The following CBX5 variants were observed in gnomAD, a reference collection of about 807,000 sequenced individuals.
CBX5 encodes the protein chromobox 5.
Under a neutral mutation model 20.7 loss-of-function variants are expected in CBX5, and 7 were observed. The observed-to-expected ratio is 0.34, with a 90% CI of 0.19 to 0.63. CBX5 has a LOEUF of 0.63. Among genes scored for constraint, CBX5 ranks in the 30% least tolerant of loss-of-function variants. CBX5 has a pLI of 0.75. For missense variants in CBX5, 110 were observed against 224.1 expected (o/e 0.49, Z 3.25); for synonymous variants, 78 against 77.0 (o/e 1.01, Z -0.07).
chr12:54,269,545 T>C (rs1592163850), intron 1 of CBX5, among the ~76,000 whole-genome samples: 1 of 151,932 alleles, frequency 6.6e-6, no homozygotes, highest in Non-Finnish European at 1.5e-5. Context: ...CACACCACCA[T>C]GCCTGGCTCA....
chr12:54,252,250 T>TA, intron 2 of CBX5, 23 bp from the exon 3 acceptor site: 1 of 1,381,654 alleles, frequency 7.2e-7, no homozygotes, highest in Non-Finnish European at 9.6e-7. Context: ...AATGGGAAAA[T>TA]TAAAAAAAAA....
intron 1 of CBX5, among the ~76,000 whole-genome samples, chr12:54,269,001 G>A (rs745358348): frequency 7.2e-5 from 11 of 152,216 alleles, no homozygotes; most frequent in East Asian, 3.8e-4. Context: ...GGTGGCTCAC[G>A]CCTATAATCC....
chr12:54,257,692 C>A lies in CBX5; in HGVS notation c.-42G>T. The A allele has an allele frequency of 1.2e-6, 2 of 1,611,306 alleles. No homozygotes were observed. The highest frequency in any genetic ancestry group is 2.2e-5 in the South Asian group (2 of 90,752). Reference sequence around the variant, plus strand: ...CCTGAAAGACTAAGGCCACCAGGTCCCTGCAAAGGCAAAGGACAAAATGGT... The same window carrying A: ...CCTGAAAGACTAAGGCCACCAGGTCACTGCAAAGGCAAAGGACAAAATGGT... On this transcript the variant is annotated splice_region_variant and 5_prime_UTR_variant, in exon 2 of 5. Transcript: ENST00000209875.
At chr12:54,243,818 G>C (rs528079131) in intron 4 of CBX5, among the ~76,000 whole-genome samples, 3 of 151,668 alleles carry the variant, frequency 2.0e-5, no homozygotes, top group Non-Finnish European at 1.5e-5. Flanking sequence ...GCAGTGAGCC[G>C]AGATGGTACC....
Position 54,276,443 on chromosome 12 carries a change from G to A in CBX5, c.-43+3565C>T, listed in dbSNP as rs538030850. ...CATGTAATTGGTTGATTACTGTACCGAAAGTGAAAAACAGAATGGTTATGT... is the reference window on the plus strand; with the variant it reads ...CATGTAATTGGTTGATTACTGTACCAAAAGTGAAAAACAGAATGGTTATGT... On this transcript the variant is annotated intron_variant, in intron 1 of 4. Transcript: ENST00000209875. Among the ~76,000 whole-genome samples, 7 of 152,224 alleles carry A rather than the reference G, an allele frequency of 4.6e-5. No individual in the cohort carries two copies. In the South Asian group the frequency reaches 1.0e-3, roughly 23 times the overall value.
intron 1 of CBX5, chr12:54,278,938 G>C (rs370289552): frequency 2.6e-5 from 4 of 152,174 alleles, no homozygotes; most frequent in African/African-American, 9.7e-5. Flanking sequence ...CTGGGCACAT[G>C]GATTACATAA....
At chr12:54,268,194 T>C (rs1003161211) in intron 1 of CBX5, among the ~76,000 whole-genome samples, 9 of 151,958 alleles carry the variant, frequency 5.9e-5, no homozygotes, top group African/African-American at 1.2e-4. Context: ...TCCTGGGCCA[T>C]GTATTATGAT....
intron 1 of CBX5, among the ~76,000 whole-genome samples, chr12:54,277,580 C>T (rs549453785): frequency 4.6e-5 from 7 of 152,284 alleles, no homozygotes; most frequent in African/African-American, 1.4e-4. Context: ...TCAAGTGATC[C>T]GCCCACCTTG....
Position 54,241,081 on chromosome 12 carries a change from T to TG in CBX5, c.*673dup, listed in dbSNP as rs1244038899. ...GTGCTAAAAGCAATACCGAAAGTCC[T>TG]GGGGCTAAAAAGAGTGTCTTGACAG... On this transcript the variant is annotated 3_prime_UTR_variant, in exon 5 of 5. Coordinates refer to ENST00000209875, the MANE Select transcript of CBX5 (RefSeq NM_012117.3). The TG allele has an allele frequency of 1.3e-5, 2 of 152,134 alleles. No homozygotes were observed. The highest frequency in any genetic ancestry group is 2.9e-5 in the Non-Finnish European group (2 of 68,018). 9.4% of individuals were successfully genotyped at this position (152,134 alleles called of 1,614,324 possible).
At chr12:54,276,354 T>G (rs970068413) in intron 1 of CBX5, among the ~76,000 whole-genome samples, 7 of 152,202 alleles carry the variant, frequency 4.6e-5, no homozygotes, top group African/African-American at 1.7e-4. Context: ...ATACTTACAT[T>G]AGCCTACTGT....
intron 1 of CBX5, among the ~76,000 whole-genome samples, chr12:54,276,121 G>C (rs55707725): frequency 6.6e-6 from 1 of 151,750 alleles, no homozygotes; most frequent in African/African-American, 2.4e-5. Context: ...CAGTAAACTA[G>C]AAAGTCTCGG....
At position 54,241,412 on chromosome 12, in the gene CBX5, C is replaced by T. The variant is rs905967503; in HGVS notation, c.*343G>A. ...TAACAAAATCCCCCAACCTAAAAAG[C>T]GACCAACCCTGAAAAGATCAAGACT... On this transcript the variant is annotated 3_prime_UTR_variant, in exon 5 of 5. Coordinates refer to ENST00000209875, the MANE Select transcript of CBX5 (RefSeq NM_012117.3). 3 of 178,454 alleles carry T rather than the reference C, an allele frequency of 1.7e-5. No homozygotes were observed. The highest frequency in any genetic ancestry group is 3.5e-5 in the Non-Finnish European group (3 of 85,938). 11.1% of individuals were successfully genotyped at this position (178,454 alleles called of 1,614,324 possible).
intron 3 of CBX5, among the ~76,000 whole-genome samples, chr12:54,249,312 G>T (rs1396657703): frequency 1.3e-5 from 2 of 151,538 alleles, no homozygotes; most frequent in Non-Finnish European, 2.9e-5. Flanking sequence ...AGAGGTTGCA[G>T]TGAGATTGTG....
intron 1 of CBX5, among the ~76,000 whole-genome samples, chr12:54,275,067 C>T (rs1001200403): frequency 2.0e-5 from 3 of 152,268 alleles, no homozygotes; most frequent in East Asian, 1.9e-4. Flanking sequence ...CAGAATTTCC[C>T]TAGCCATATA....
chr12:54,272,624 G>A (rs1489808024), intron 1 of CBX5: 1 of 152,104 alleles, frequency 6.6e-6, no homozygotes, highest in African/African-American at 2.4e-5. Flanking sequence ...ACAAATACAG[G>A]TTAGTTATCC....
intron 1 of CBX5, among the ~76,000 whole-genome samples, chr12:54,264,047 A>G (rs1943937908): frequency 6.6e-6 from 1 of 152,160 alleles, no homozygotes; most frequent in African/African-American, 2.4e-5. Flanking sequence ...CGTCTCAAAT[A>G]AAAAAGAGGT....
At chr12:54,252,317 C>T (rs956993247) in intron 2 of CBX5, 90 bp from the exon 3 acceptor site, 55 of 859,964 alleles carry the variant, frequency 6.4e-5, no homozygotes, top group Admixed American at 2.0e-4. Flanking sequence ...AGAGGACATT[C>T]GGACAAAAAG....
chr12:54,237,839 A>G lies in CBX5; in HGVS notation c.*3916T>C, dbSNP rs1386063984. ...ACTGGAATTTAAAAAAAATTGTATT[A>G]CTGAAAGTGCTCCATGAGAGCAAAC... is the stretch of plus-strand genomic sequence containing the variant. On this transcript the variant is annotated 3_prime_UTR_variant, in exon 5 of 5. Coordinates refer to ENST00000209875, the MANE Select transcript of CBX5 (RefSeq NM_012117.3). 6.6e-6 allele frequency: 1 copy of G among 152,322 alleles called. No homozygotes were observed. The highest frequency in any genetic ancestry group is 1.5e-5 in the Non-Finnish European group (1 of 68,066). The allele number at this position is 152,322 out of a possible 1,614,324, so 9.4% of individuals were successfully genotyped here. A position where few individuals can be genotyped will look rare whatever the true frequency, so the allele number is the denominator to read the frequency against.
rs1296484277 is a variant in CBX5 at position 54,232,503 on chromosome 12, G to T, written c.*9252C>A. 2 of 152,196 alleles carry T rather than the reference G, an allele frequency of 1.3e-5. No individual in the cohort carries two copies. The highest frequency in any genetic ancestry group is 2.9e-5 in the Non-Finnish European group (2 of 68,040). The allele number at this position is 152,196 out of a possible 1,614,324, so 9.4% of individuals were successfully genotyped here. A position where few individuals can be genotyped will look rare whatever the true frequency, so the allele number is the denominator to read the frequency against. On this transcript the variant is annotated 3_prime_UTR_variant, in exon 5 of 5. Transcript: ENST00000209875. ...CAGATGGGGAACTGAGGCATTGAAA[G>T]AAGTGACTTGCCCAAGGTCAACCAT...
Sources: gnomAD v4.1 joint callset for allele counts (sites outside exome capture counted in the v4.1 genomes callset) on GRCh38, gnomAD v4.1.1 for gene constraint, MANE v1.5 for transcripts, NCBI Gene and HGNC (gene_info 2026-07-23, HGNC 2026-07-21) for gene names.